The following PTPRD variants were observed in gnomAD, a reference collection of about 807,000 sequenced individuals.
PTPRD encodes the protein receptor-type tyrosine-protein phosphatase delta.
A neutral mutation model predicts 214.5 loss-of-function variants in PTPRD; 34 were observed. The ratio of observed to expected loss-of-function variants is 0.16; its 90% CI spans 0.12 to 0.21. PTPRD has a LOEUF of 0.21. Among genes scored for constraint, PTPRD ranks in the 10% least tolerant of loss-of-function variants. The pLI is 1.00. For synonymous variants in PTPRD, 1,128 were observed against 845.7 expected (o/e 1.33, Z -5.79); for missense variants, 2,545 against 2,398.7 (o/e 1.06, Z -1.27).
At chr9:8,381,247 C>T (rs2084988207) in intron 37 of PTPRD, among the ~76,000 whole-genome samples, 1 of 152,076 alleles carries the variant, frequency 6.6e-6, no homozygotes, top group Non-Finnish European at 1.5e-5. Flanking sequence ...AATGTTGGTA[C>T]CCTTTTGTCA....
intron 11 of PTPRD, among the ~76,000 whole-genome samples, chr9:8,749,203 A>G (rs1475534169): frequency 1.3e-5 from 2 of 152,088 alleles, no homozygotes; most frequent in Non-Finnish European, 2.9e-5. Context: ...TTGTGTTGAG[A>G]CAGAGTCTCG....
chr9:8,540,143 T>C (rs2078034957), intron 14 of PTPRD, among the ~76,000 whole-genome samples: 1 of 152,144 alleles, frequency 6.6e-6, no homozygotes, highest in African/African-American at 2.4e-5. Context: ...ATTGGGATCA[T>C]TTCAAAATTT....
rs149670156 is a variant in PTPRD, at chr9:9,112,768, G to C, written c.-143+70536C>G. Among the ~76,000 whole-genome samples the C allele has an allele frequency of 3.9e-5, 6 of 152,120 alleles. No homozygotes were observed. The East Asian group carries it at 5.8e-4, about 15-fold the overall frequency. Reference sequence around the variant, plus strand: ...TGTGAGAGAAATTATGGGAAATCAGGGTTCTGAATCCTATTTCCAATGAGA... The same window carrying C: ...TGTGAGAGAAATTATGGGAAATCAGCGTTCTGAATCCTATTTCCAATGAGA... On this transcript the variant is annotated intron_variant, in intron 10 of 45. Coordinates refer to ENST00000381196, the MANE Select transcript of PTPRD (RefSeq NM_002839.4).
chr9:9,956,949 G>C (rs1226018759), intron 4 of PTPRD, among the ~76,000 whole-genome samples: 1 of 152,066 alleles, frequency 6.6e-6, no homozygotes. Flanking sequence ...ATAGGTGGTA[G>C]CAAAAAAAAT....
intron 12 of PTPRD, among the ~76,000 whole-genome samples, chr9:8,646,580 C>A (rs1187561133): frequency 6.6e-6 from 1 of 152,026 alleles, no homozygotes; most frequent in Non-Finnish European, 1.5e-5. Flanking sequence ...CAGAATTTAC[C>A]CACATTTTTC....
At chr9:8,467,815 GTAT>G (rs1188099290) in intron 31 of PTPRD, among the ~76,000 whole-genome samples, 1 of 151,700 alleles carries the variant, frequency 6.6e-6, no homozygotes, top group Non-Finnish European at 1.5e-5. Context: ...ATTTAATGAA[GTAT>G]TATAATTGAA....
intron 4 of PTPRD, among the ~76,000 whole-genome samples, chr9:10,026,169 G>T (rs77310584): frequency 6.6e-6 from 1 of 152,184 alleles, no homozygotes; most frequent in Admixed American, 6.6e-5. Flanking sequence ...CTAAAAATTT[G>T]AGTGCTCCTC....
At chr9:9,429,213 G>A (rs900372268) in intron 8 of PTPRD, among the ~76,000 whole-genome samples, 2 of 152,136 alleles carry the variant, frequency 1.3e-5, no homozygotes, top group Non-Finnish European at 2.9e-5. Flanking sequence ...AAATGACAAA[G>A]GGGATATCAC....
chr9:9,861,361 G>A (rs988447061), intron 5 of PTPRD, among the ~76,000 whole-genome samples: 4 of 152,118 alleles, frequency 2.6e-5, no homozygotes, highest in Non-Finnish European at 4.4e-5. Flanking sequence ...CGCCATCTCG[G>A]CTCACTGCAA....
At chr9:10,155,542 G>A (rs544364954) in intron 3 of PTPRD, among the ~76,000 whole-genome samples, 3 of 152,158 alleles carry the variant, frequency 2.0e-5, no homozygotes, top group African/African-American at 7.2e-5. Context: ...CAAGGGGAAT[G>A]CTTTAAGCTT....
intron 2 of PTPRD, among the ~76,000 whole-genome samples, chr9:10,501,995 T>C (rs1397212326): frequency 6.6e-6 from 1 of 151,928 alleles, no homozygotes. Flanking sequence ...GAGATTCTAG[T>C]GTACAGAGTT....
At chr9:9,835,765 G>A (rs1198998636) in intron 5 of PTPRD, among the ~76,000 whole-genome samples, 1 of 152,054 alleles carries the variant, frequency 6.6e-6, no homozygotes, top group Non-Finnish European at 1.5e-5. Context: ...TAACACAGGA[G>A]TGGAATCAAC....
intron 8 of PTPRD, among the ~76,000 whole-genome samples, chr9:9,505,985 C>G (rs2154236761): frequency 6.6e-6 from 1 of 151,306 alleles, no homozygotes; most frequent in South Asian, 2.1e-4. Context: ...AGTAGATAAT[C>G]TCATAATCTA....
At chr9:9,044,046 T>C (rs1271469052) in intron 10 of PTPRD, among the ~76,000 whole-genome samples, 1 of 152,192 alleles carries the variant, frequency 6.6e-6, no homozygotes, top group Non-Finnish European at 1.5e-5. Flanking sequence ...GAGCTAATGT[T>C]ACTCTTAGGA....
intron 3 of PTPRD, among the ~76,000 whole-genome samples, chr9:10,098,935 C>G (rs2098523344): frequency 6.6e-6 from 1 of 151,568 alleles, no homozygotes; most frequent in Non-Finnish European, 1.5e-5. Flanking sequence ...AAAATTGGAG[C>G]AAGAAGTCAA....
chr9:10,582,427 T>A (rs1394599321), intron 2 of PTPRD, among the ~76,000 whole-genome samples: 1 of 152,216 alleles, frequency 6.6e-6, no homozygotes, highest in Non-Finnish European at 1.5e-5. Context: ...AATGTTAAAG[T>A]TCTCCTCAAA....
At chr9:9,450,679 G>C (rs373918138) in intron 8 of PTPRD, among the ~76,000 whole-genome samples, 3 of 151,110 alleles carry the variant, frequency 2.0e-5, no homozygotes, top group African/African-American at 4.9e-5. Flanking sequence ...TTTTGTTTTC[G>C]TAACTTGATT....
In PTPRD at chr9:9,613,122, GTATACATACATACATATATA is replaced by G. The variant is rs1430042912; in HGVS notation, c.-286-38361_-286-38342del. On this transcript the variant is annotated intron_variant, in intron 7 of 45. Coordinates refer to ENST00000381196, the MANE Select transcript of PTPRD (RefSeq NM_002839.4). ...CCATACATATAATAGCTAGGCTGCA[GTATACATACATACATATATA>G]TATATATATATATATATATATATAT... 2.2e-4 allele frequency among the ~76,000 whole-genome samples: 15 copies of G among 68,150 alleles called. 1 individual carries two copies. Among genetic ancestry groups the G allele is most frequent in the African/African-American group, 1.1e-3 (13 of 11,744 alleles). 44.7% of individuals were successfully genotyped at this position (68,150 alleles called of 152,430 possible).
intron 2 of PTPRD, among the ~76,000 whole-genome samples, chr9:10,483,932 T>C (rs2099116270): frequency 6.6e-6 from 1 of 152,040 alleles, no homozygotes; most frequent in Admixed American, 6.6e-5. Context: ...TGCTCATCTA[T>C]CCAAAGGGAA....
Sources: gnomAD v4.1 joint callset for allele counts (sites outside exome capture counted in the v4.1 genomes callset) on GRCh38, gnomAD v4.1.1 for gene constraint, MANE v1.5 for transcripts, NCBI Gene and HGNC (gene_info 2026-07-23, HGNC 2026-07-21) for gene names.